Variants in PRKCA observed in about 807,000 individuals in gnomAD.
The protein encoded by PRKCA is protein kinase C alpha.
Under a neutral mutation model 87.0 loss-of-function variants are expected in PRKCA, and 27 were observed. The ratio of observed to expected loss-of-function variants is 0.31; its 90% CI spans 0.23 to 0.43. PRKCA has a LOEUF of 0.43. PRKCA is among the 20% of genes least tolerant of loss of function. The pLI is 1.00. For missense variants in PRKCA, 518 were observed against 852.3 expected, an observed-to-expected ratio of 0.61 and a Z score of 4.88; for synonymous variants, 329 against 311.1, an observed-to-expected ratio of 1.06 and a Z score of -0.61.
At chr17:66,499,901 T>C (rs1353650007) in intron 3 of PRKCA, among the ~76,000 whole-genome samples, 1 of 152,172 alleles carries the variant, frequency 6.6e-6, no homozygotes, top group East Asian at 1.9e-4. Flanking sequence ...CTCAACTGAC[T>C]CCCAGTGTCA....
chr17:66,345,982 A>T (rs1212660483), intron 2 of PRKCA, among the ~76,000 whole-genome samples: 1 of 152,198 alleles, frequency 6.6e-6, no homozygotes, highest in East Asian at 1.9e-4. Flanking sequence ...CATAATGTCC[A>T]TGAGGGCAGT....
chr17:66,755,035 GT>G (rs147353547), intron 13 of PRKCA, among the ~76,000 whole-genome samples: 12,094 of 152,142 alleles, frequency 0.079, 555 homozygotes, highest in African/African-American at 0.11. Context: ...ATTAGATAAT[GT>G]TTTTCTAGAC....
At chr17:66,371,133 C>T (rs1909083807) in intron 2 of PRKCA, among the ~76,000 whole-genome samples, 2 of 152,114 alleles carry the variant, frequency 1.3e-5, no homozygotes, top group East Asian at 1.9e-4. Context: ...TTCCAAGTTC[C>T]CCCATCTTTG....
At chr17:66,485,965 G>T (rs1194676138) in intron 2 of PRKCA, among the ~76,000 whole-genome samples, 5 of 152,126 alleles carry the variant, frequency 3.3e-5, no homozygotes, top group Non-Finnish European at 7.4e-5. Context: ...ATTTTTTAGG[G>T]TCAAAATGAG....
At chr17:66,437,997 A>G (rs549198564) in intron 2 of PRKCA, among the ~76,000 whole-genome samples, 1 of 149,428 alleles carries the variant, frequency 6.7e-6, no homozygotes, top group East Asian at 2.0e-4. Context: ...TGTGCCCTTT[A>G]TACAGTCTGG....
intron 2 of PRKCA, among the ~76,000 whole-genome samples, chr17:66,361,118 C>A (rs547159613): frequency 6.6e-6 from 1 of 151,986 alleles, no homozygotes; most frequent in South Asian, 2.1e-4. Context: ...GGCTTCAGGG[C>A]AGTAGATAGG....
At chr17:66,735,952 A>G (rs1233927078) in intron 10 of PRKCA, among the ~76,000 whole-genome samples, 11 of 120,484 alleles carry the variant, frequency 9.1e-5, no homozygotes, top group Non-Finnish European at 1.6e-4. Flanking sequence ...ACAGGATCTC[A>G]CTCTCTCGCC....
chr17:66,773,940 C>T lies in PRKCA; in HGVS notation c.1525-47C>T, dbSNP rs1974992996. The T allele has an allele frequency of 1.9e-6, 3 of 1,611,902 alleles. No individual in the cohort carries two copies. In the East Asian group the frequency reaches 6.7e-5, roughly 36 times the overall value. On this transcript the variant is annotated intron_variant, in intron 13 of 16. Transcript: ENST00000413366. ...CTTGACTTACCTGTTCTGACAGGGGCTATTGGACTTACCACTAATGTAATT... is the reference window on the plus strand; with the variant it reads ...CTTGACTTACCTGTTCTGACAGGGGTTATTGGACTTACCACTAATGTAATT...
chr17:66,406,802 C>T (rs1404230004), intron 2 of PRKCA, among the ~76,000 whole-genome samples: 1 of 151,970 alleles, frequency 6.6e-6, no homozygotes, highest in African/African-American at 2.4e-5. Context: ...CCATGCCCTG[C>T]ACTGTCTGCC....
intron 2 of PRKCA, among the ~76,000 whole-genome samples, chr17:66,419,317 G>A (rs1164612606): frequency 6.6e-6 from 1 of 151,822 alleles, no homozygotes; most frequent in Non-Finnish European, 1.5e-5. Flanking sequence ...CAAAAGAATG[G>A]GTTTGAAAAA....
intron 3 of PRKCA, among the ~76,000 whole-genome samples, chr17:66,525,045 C>G (rs768879594): frequency 1.5e-4 from 23 of 152,184 alleles, no homozygotes; most frequent in Non-Finnish European, 3.1e-4. Flanking sequence ...TTTGTGACTT[C>G]CTTTGACCAG....
intron 8 of PRKCA, among the ~76,000 whole-genome samples, chr17:66,693,309 C>CT (rs139033939): frequency 0.037 from 5,571 of 152,288 alleles, 333 homozygotes; most frequent in African/African-American, 0.13. Flanking sequence ...GTCTGTGGGC[C>CT]TTTAATCTGT....
chr17:66,580,728 G>A (rs1008845019), intron 3 of PRKCA, among the ~76,000 whole-genome samples: 2 of 152,120 alleles, frequency 1.3e-5, no homozygotes, highest in Non-Finnish European at 2.9e-5. Flanking sequence ...AAACATGCCC[G>A]GATTTGCACC....
At chr17:66,694,480 CAA>C (rs57941055) in intron 8 of PRKCA, among the ~76,000 whole-genome samples, 381 of 35,140 alleles carry the variant, frequency 0.011, 4 homozygotes, top group African/African-American at 0.044. Context: ...GACTCTGTCT[CAA>C]AAAAAAAAAA....
intron 3 of PRKCA, among the ~76,000 whole-genome samples, chr17:66,608,130 G>A (rs964296245): frequency 3.3e-5 from 5 of 151,698 alleles, no homozygotes; most frequent in Middle Eastern, 3.4e-3. Context: ...GAAGCACACC[G>A]ATTGGAGCAC....
chr17:66,461,896 ACCGAGGAGGAGAC>A (rs1914870380), intron 2 of PRKCA, among the ~76,000 whole-genome samples: 1 of 136,712 alleles, frequency 7.3e-6, no homozygotes, highest in African/African-American at 2.7e-5. Flanking sequence ...GTTCCTAACT[ACCGAGGAGGAGAC>A]TGGGGTTCCT....
intron 2 of PRKCA, among the ~76,000 whole-genome samples, chr17:66,396,659 C>T (rs111568771): frequency 0.045 from 6,361 of 141,882 alleles, 210 homozygotes; most frequent in Admixed American, 0.079. Flanking sequence ...GACAGAGTCT[C>T]GCTCTGTTGC....
intron 5 of PRKCA, among the ~76,000 whole-genome samples, chr17:66,655,393 G>A (rs1971709069): frequency 6.6e-6 from 1 of 152,116 alleles, no homozygotes; most frequent in Admixed American, 6.5e-5. Context: ...ACTGTGGCAG[G>A]CAACAGCCCA....
chr17:66,785,109 G>A lies in PRKCA; in HGVS notation c.1606-1758G>A, dbSNP rs548498170. Among the ~76,000 whole-genome samples the A allele has an allele frequency of 4.6e-5, 7 of 152,318 alleles. No homozygotes were observed. In the South Asian group the frequency reaches 1.5e-3, roughly 32 times the overall value. Reference sequence around the variant, plus strand: ...AATGTTGAGTGGTACCAGACACCCAGGCCTCTCTCTGTCCTCCCACTGGGG... The same window carrying A: ...AATGTTGAGTGGTACCAGACACCCAAGCCTCTCTCTGTCCTCCCACTGGGG... On this transcript the variant is annotated intron_variant, in intron 14 of 16. Coordinates refer to ENST00000413366, the MANE Select transcript of PRKCA (RefSeq NM_002737.3).
Sources: gnomAD v4.1 joint callset for allele counts (sites outside exome capture counted in the v4.1 genomes callset) on GRCh38, gnomAD v4.1.1 for gene constraint, MANE v1.5 for transcripts, NCBI Gene and HGNC (gene_info 2026-07-23, HGNC 2026-07-21) for gene names.